PTPRD: variants seen among roughly 807,000 people sequenced by gnomAD.
PTPRD encodes the protein protein tyrosine phosphatase receptor type D.
PTPRD carries 34 observed loss-of-function variants against 214.5 expected under a neutral mutation model. The observed-to-expected ratio is 0.16, with a 90% CI of 0.12 to 0.21. The LOEUF (loss-of-function observed/expected upper bound fraction) is 0.21, where lower values mean the gene tolerates loss of function less well. Ranked by LOEUF, PTPRD falls within the 10% of genes least tolerant of loss-of-function variation. PTPRD has a pLI of 1.00. For missense variants in PTPRD, 2,545 were observed against 2,398.7 expected, an observed-to-expected ratio of 1.06 and a Z score of -1.27; for synonymous variants, 1,128 against 845.7, an observed-to-expected ratio of 1.33 and a Z score of -5.79.
intron 9 of PTPRD, among the ~76,000 whole-genome samples, chr9:9,375,016 C>G: frequency 6.6e-6 from 1 of 152,238 alleles, no homozygotes; most frequent in South Asian, 2.1e-4. Flanking sequence ...CTCTCAATTA[C>G]TAGAACTTTT....
intron 2 of PTPRD, among the ~76,000 whole-genome samples, chr9:10,574,146 T>C (rs935800954): frequency 2.0e-5 from 3 of 152,054 alleles, no homozygotes; most frequent in African/African-American, 7.2e-5. Flanking sequence ...ACAAATACAA[T>C]GATTTTGTAA....
intron 3 of PTPRD, among the ~76,000 whole-genome samples, chr9:10,087,393 T>G (rs291327): frequency 0.29 from 43,650 of 151,448 alleles, 6,736 homozygotes; most frequent in East Asian, 0.52. Flanking sequence ...TACTAGATGT[T>G]CCAATAATGC....
intron 8 of PTPRD, among the ~76,000 whole-genome samples, chr9:9,492,927 G>T (rs2095984299): frequency 6.9e-6 from 1 of 145,712 alleles, no homozygotes; most frequent in African/African-American, 2.6e-5. Flanking sequence ...TTGTTCTGGG[G>T]CACCATGAAC....
chr9:9,476,253 C>A (rs2095035592), intron 8 of PTPRD, among the ~76,000 whole-genome samples: 1 of 152,118 alleles, frequency 6.6e-6, no homozygotes, highest in Non-Finnish European at 1.5e-5. Flanking sequence ...ATATTTTTTA[C>A]TGGATTTTGA....
chr9:10,509,470 C>CATCCATCTATCT (rs374157020), intron 2 of PTPRD, among the ~76,000 whole-genome samples: 6 of 138,120 alleles, frequency 4.3e-5, no homozygotes, highest in African/African-American at 1.4e-4. Flanking sequence ...TTGATTGATC[C>CATCCATCTATCT]ATCTATCTAT....
At chr9:9,105,412 G>C (rs1264980168) in intron 10 of PTPRD, among the ~76,000 whole-genome samples, 1 of 152,098 alleles carries the variant, frequency 6.6e-6, no homozygotes, top group East Asian at 1.9e-4. Flanking sequence ...TGATTCCTTA[G>C]TGACTATAGT....
chr9:8,882,827 G>A (rs941671163), intron 11 of PTPRD, among the ~76,000 whole-genome samples: 2 of 137,792 alleles, frequency 1.5e-5, no homozygotes, highest in African/African-American at 2.7e-5. Context: ...GTAGGTTGCC[G>A]TAAGCCGAGA....
At chr9:10,519,059 C>T (rs968266893) in intron 2 of PTPRD, among the ~76,000 whole-genome samples, 3 of 151,728 alleles carry the variant, frequency 2.0e-5, no homozygotes, top group Non-Finnish European at 4.4e-5. Context: ...CTTTCTGATA[C>T]TACAAATCCA....
chr9:10,128,341 T>C (rs1044304113), intron 3 of PTPRD, among the ~76,000 whole-genome samples: 1 of 152,190 alleles, frequency 6.6e-6, no homozygotes, highest in African/African-American at 2.4e-5. Context: ...CCAATATGAC[T>C]GGTGCCCTTA....
intron 10 of PTPRD, among the ~76,000 whole-genome samples, chr9:9,074,954 T>C (rs1189250879): frequency 6.6e-6 from 1 of 151,444 alleles, no homozygotes; most frequent in African/African-American, 2.4e-5. Context: ...TTATCACAGA[T>C]CACTGACAAT....
chr9:8,760,368 G>C (rs1002012866), intron 11 of PTPRD, among the ~76,000 whole-genome samples: 2 of 151,906 alleles, frequency 1.3e-5, no homozygotes, highest in African/African-American at 4.8e-5. Context: ...GTTTTGTTTG[G>C]TTTCTTATTT....
chr9:8,864,331 T>G (rs2098158397), intron 11 of PTPRD, among the ~76,000 whole-genome samples: 1 of 152,198 alleles, frequency 6.6e-6, no homozygotes, highest in Non-Finnish European at 1.5e-5. Context: ...CTCTCAAGAC[T>G]CGGACATGCT....
intron 35 of PTPRD, among the ~76,000 whole-genome samples, chr9:8,414,491 T>G (rs1371465876): frequency 1.3e-5 from 2 of 152,166 alleles, no homozygotes; most frequent in East Asian, 1.9e-4. Context: ...TTTTTTCATT[T>G]TTTTGGTTTG....
chr9:9,416,744 G>C (rs1256919059), intron 8 of PTPRD, among the ~76,000 whole-genome samples: 1 of 152,066 alleles, frequency 6.6e-6, no homozygotes, highest in Non-Finnish European at 1.5e-5. Flanking sequence ...CCATTTGATA[G>C]GCAGGAATAC....
chr9:9,918,354 A>T (rs1312524251), intron 5 of PTPRD, among the ~76,000 whole-genome samples: 109 of 87,678 alleles, frequency 1.2e-3, no homozygotes, highest in African/African-American at 4.4e-3. Flanking sequence ...AAAGAGGTAA[A>T]AAAAAAAAAA....
chr9:9,957,047 T>C (rs1214991966), intron 4 of PTPRD, among the ~76,000 whole-genome samples: 1 of 152,178 alleles, frequency 6.6e-6, no homozygotes, highest in Non-Finnish European at 1.5e-5. Context: ...GAGAACTCCA[T>C]GTATAGCTGA....
chr9:8,579,790 G>T (rs544118745), intron 14 of PTPRD, among the ~76,000 whole-genome samples: 1 of 152,332 alleles, frequency 6.6e-6, no homozygotes, highest in Admixed American at 6.5e-5. Flanking sequence ...GGAGTATCAT[G>T]CAGACGTACC....
At chr9:10,246,463 C>T (rs2154366200) in intron 3 of PTPRD, among the ~76,000 whole-genome samples, 1 of 152,266 alleles carries the variant, frequency 6.6e-6, no homozygotes, top group East Asian at 1.9e-4. Flanking sequence ...AGTCTGCTCT[C>T]CAACTCTTGA....
intron 9 of PTPRD, among the ~76,000 whole-genome samples, chr9:9,195,107 T>TATATATATATACAC (rs58832794): frequency 2.7e-4 from 38 of 141,202 alleles, no homozygotes; most frequent in Admixed American, 6.5e-4. Context: ...TATATATATA[T>TATATATATATACAC]ACACACACAC....
Sources: gnomAD v4.1 joint callset for allele counts (sites outside exome capture counted in the v4.1 genomes callset) on GRCh38, gnomAD v4.1.1 for gene constraint, MANE v1.5 for transcripts, NCBI Gene and HGNC (gene_info 2026-07-23, HGNC 2026-07-21) for gene names.